Variants in NRG1 observed in about 807,000 individuals in gnomAD.
NRG1 encodes the protein neuregulin 1, also known as pro-neuregulin-1, membrane-bound isoform.
NRG1 carries 18 observed loss-of-function variants against 63.8 expected under a neutral mutation model. That is an observed-to-expected ratio of 0.28 (90% CI 0.19 to 0.42). The LOEUF (loss-of-function observed/expected upper bound fraction) is 0.42. Among genes scored for constraint, NRG1 ranks in the 10% least tolerant of loss-of-function variants. NRG1 has a pLI of 1.00. For missense variants in NRG1, 762 were observed against 814.7 expected (o/e 0.94, Z 0.79); for synonymous variants, 302 against 301.3 (o/e 1.00, Z -0.02).
chr8:32,733,681 T>A (rs922298579), intron 6 of NRG1, among the ~76,000 whole-genome samples: 1 of 152,018 alleles, frequency 6.6e-6, no homozygotes. Context: ...AGAGAAAATA[T>A]AAGGAATGGT....
At chr8:32,233,563 ATTTTTTTTTT>A (rs1554660617) in intron 1 of NRG1, among the ~76,000 whole-genome samples, 7 of 67,264 alleles carry the variant, frequency 1.0e-4, no homozygotes, top group African/African-American at 5.5e-4. Context: ...ATATATATAT[ATTTTTTTTTT>A]TTTTTCTTTT....
intron 1 of NRG1, among the ~76,000 whole-genome samples, chr8:31,984,845 AT>A (rs1809778753): frequency 6.6e-6 from 1 of 152,120 alleles, no homozygotes; most frequent in African/African-American, 2.4e-5. Context: ...TCATATGTTT[AT>A]TTAAAGAATT....
At chr8:32,035,479 A>G (rs1818889359) in intron 1 of NRG1, among the ~76,000 whole-genome samples, 1 of 151,874 alleles carries the variant, frequency 6.6e-6, no homozygotes, top group African/African-American at 2.4e-5. Context: ...AGCTGAGTTC[A>G]AGTTCTGATT....
At chr8:31,755,055 C>T (rs1256357202) in intron 1 of NRG1, among the ~76,000 whole-genome samples, 1 of 151,998 alleles carries the variant, frequency 6.6e-6, no homozygotes, top group Non-Finnish European at 1.5e-5. Flanking sequence ...TGGAGTTGCA[C>T]TCTGCCTTTT....
At position 32,521,515 on chromosome 8, in the gene NRG1, G is replaced by A. The variant is rs193234371; in HGVS notation, c.38-74313G>A. Among the ~76,000 whole-genome samples the A allele has an allele frequency of 2.5e-3, 379 of 152,198 alleles. 1 individual carries two copies. Among genetic ancestry groups the A allele is most frequent in the Admixed American group, 3.7e-3 (57 of 15,290 alleles). Reference sequence around the variant, plus strand: ...GCCCCCATGAAAAGCAATGAATACAGAAGTGCTCAAAAGAGTTTACCTAAG... The same window carrying A: ...GCCCCCATGAAAAGCAATGAATACAAAAGTGCTCAAAAGAGTTTACCTAAG... On this transcript the variant is annotated intron_variant, in intron 1 of 10. Coordinates refer to the NRG1 transcript ENST00000519301.
At chr8:31,835,371 G>A (rs1017596232) in intron 1 of NRG1, among the ~76,000 whole-genome samples, 2 of 152,168 alleles carry the variant, frequency 1.3e-5, no homozygotes, top group Admixed American at 6.6e-5. Context: ...GCCTTTTGGA[G>A]ATTGGTTAGC....
At chr8:32,477,344 C>T (rs374389085) in intron 1 of NRG1, among the ~76,000 whole-genome samples, 1 of 152,080 alleles carries the variant, frequency 6.6e-6, no homozygotes, top group African/African-American at 2.4e-5. Flanking sequence ...TCTGCAGGAG[C>T]GGTTCAGCAT....
chr8:32,077,292 G>A (rs1176728257), intron 1 of NRG1, among the ~76,000 whole-genome samples: 4 of 152,098 alleles, frequency 2.6e-5, no homozygotes, highest in African/African-American at 9.7e-5. Context: ...GCTGGAACCC[G>A]GGAGGCAGAG....
chr8:32,564,878 T>C (rs1195876511), intron 1 of NRG1, among the ~76,000 whole-genome samples: 1 of 151,632 alleles, frequency 6.6e-6, no homozygotes, highest in Non-Finnish European at 1.5e-5. Context: ...CTGGGCAACA[T>C]AGAAAAACAC....
chr8:32,286,874 G>A (rs1853589087), intron 1 of NRG1, among the ~76,000 whole-genome samples: 1 of 152,134 alleles, frequency 6.6e-6, no homozygotes, highest in Non-Finnish European at 1.5e-5. Context: ...GCGGGCACCT[G>A]TAATCCCAGC....
chr8:31,962,532 G>A (rs1449108409), intron 1 of NRG1, among the ~76,000 whole-genome samples: 1 of 152,148 alleles, frequency 6.6e-6, no homozygotes, highest in Non-Finnish European at 1.5e-5. Flanking sequence ...AGGAGATAGG[G>A]AGAGAATTGA....
chr8:32,611,574 T>C (rs1846362843), intron 3 of NRG1, among the ~76,000 whole-genome samples: 1 of 152,122 alleles, frequency 6.6e-6, no homozygotes, highest in South Asian at 2.1e-4. Context: ...CTACACTGTT[T>C]ATTAATTTCA....
intron 1 of NRG1, among the ~76,000 whole-genome samples, chr8:32,094,424 A>AT (rs1267620205): frequency 6.6e-6 from 1 of 152,086 alleles, no homozygotes; most frequent in African/African-American, 2.4e-5. Context: ...ATGGCACCTT[A>AT]TTTTGACAAG....
At chr8:32,735,613 G>T (rs998917751) in intron 6 of NRG1, among the ~76,000 whole-genome samples, 1 of 152,040 alleles carries the variant, frequency 6.6e-6, no homozygotes, top group African/African-American at 2.4e-5. Context: ...ATTAGCAGTC[G>T]ATATGTCATT....
intron 1 of NRG1, among the ~76,000 whole-genome samples, chr8:32,213,399 G>A (rs917078580): frequency 1.3e-5 from 2 of 152,210 alleles, no homozygotes; most frequent in South Asian, 4.2e-4. Context: ...ACTTATAAAT[G>A]GGGGCTGAAA....
chr8:31,867,353 G>A (rs1224196960), intron 1 of NRG1, among the ~76,000 whole-genome samples: 2 of 152,062 alleles, frequency 1.3e-5, no homozygotes, highest in African/African-American at 4.8e-5. Flanking sequence ...TTGGTTTAAG[G>A]GTTTTGCCTA....
intron 11 of NRG1, 150 bp from the exon 12 acceptor site, chr8:32,763,598 A>AT: frequency 1.9e-6 from 2 of 1,057,312 alleles, no homozygotes; most frequent in Non-Finnish European, 2.7e-6. Context: ...AGGGTGTGGA[A>AT]TTTCCTAGCC....
At chr8:32,540,668 T>C (rs1015228875) in intron 1 of NRG1, among the ~76,000 whole-genome samples, 1 of 152,086 alleles carries the variant, frequency 6.6e-6, no homozygotes, top group African/African-American at 2.4e-5. Context: ...TCCAAACATA[T>C]TCTAGGCATT....
chr8:32,210,678 C>T (rs1398144951), intron 1 of NRG1, among the ~76,000 whole-genome samples: 1 of 152,182 alleles, frequency 6.6e-6, no homozygotes, highest in Non-Finnish European at 1.5e-5. Flanking sequence ...TTTTCTTCCT[C>T]CAAGCCTACA....
Sources: allele counts gnomAD v4.1 joint callset (sites outside exome capture counted in the v4.1 genomes callset), GRCh38; gene constraint gnomAD v4.1.1; transcripts MANE v1.5; gene names NCBI Gene and HGNC (gene_info 2026-07-23, HGNC 2026-07-21).